The following HTT variants were observed in gnomAD, a reference collection of about 807,000 sequenced individuals.
HTT encodes the protein huntington disease protein.
A neutral mutation model predicts 362.3 loss-of-function variants in HTT; 104 were observed. The observed-to-expected ratio is 0.29, with a 90% CI of 0.24 to 0.34. The LOEUF (loss-of-function observed/expected upper bound fraction) is 0.34. Among genes scored for constraint, HTT ranks in the 10% least tolerant of loss-of-function variants. The pLI is 1.00. For missense variants in HTT, 3,301 were observed against 3,928.6 expected, an observed-to-expected ratio of 0.84 and a Z score of 4.27; for synonymous variants, 1,577 against 1,548.7, an observed-to-expected ratio of 1.02 and a Z score of -0.43.
intron 28 of HTT, among the ~76,000 whole-genome samples, chr4:3,157,733 G>C (rs576245002): frequency 2.3e-4 from 35 of 152,138 alleles, no homozygotes; most frequent in African/African-American, 8.2e-4. Context: ...CAGCCTTTCT[G>C]TCTAGGGATG....
At chr4:3,137,668 C>T (rs1413500199) in intron 21 of HTT, among the ~76,000 whole-genome samples, 5 of 152,214 alleles carry the variant, frequency 3.3e-5, no homozygotes, top group Admixed American at 2.0e-4. Context: ...CACTGCCTTC[C>T]AACCTGGGCA....
chr4:3,142,860 A>G lies in HTT; in HGVS notation c.3040A>G (p.Ile1014Val). 1 of 1,612,822 alleles carries G rather than the reference A, an allele frequency of 6.2e-7. No individual in the cohort carries two copies. Among genetic ancestry groups the G allele is most frequent in the Non-Finnish European group, 8.5e-7 (1 of 1,178,892 alleles). Residue 1014 changes from isoleucine (I) to valine (V), a missense_variant, in exon 23 of 67, where the codon ATC (isoleucine) becomes GTC (valine). Around this residue, in one of 4 missense-constraint regions of HTT, gnomAD observed 2,316 missense variants for 2,658.5 expected, o/e 0.87. Coordinates refer to ENST00000355072, the MANE Select transcript of HTT (RefSeq NM_001388492.1). ...TATTGCAGCAGTTTCTCATGAACTAATCACATCAACCACCAGAGCACTCAC... is the reference window on the plus strand; with the variant it reads ...TATTGCAGCAGTTTCTCATGAACTAGTCACATCAACCACCAGAGCACTCAC... Reference protein sequence around the residue: ...RVIAAVSHELITSTTRALTFG... With the variant: ...RVIAAVSHELVTSTTRALTFG...
At chr4:3,138,389 TC>T (rs1716185496) in intron 21 of HTT, among the ~76,000 whole-genome samples, 1 of 152,080 alleles carries the variant, frequency 6.6e-6, no homozygotes, top group Non-Finnish European at 1.5e-5. Flanking sequence ...TCCCTCACCT[TC>T]CAGCCTTCCG....
intron 6 of HTT, 99 bp downstream of exon 6, chr4:3,107,522 C>A: frequency 8.2e-7 from 1 of 1,215,248 alleles, no homozygotes; most frequent in East Asian, 2.3e-5. Context: ...GGGAGTGCTT[C>A]TTGGGGTATG....
At chr4:3,238,088 C>T (rs912479014) in intron 64 of HTT, among the ~76,000 whole-genome samples, 2 of 151,544 alleles carry the variant, frequency 1.3e-5, no homozygotes, top group Non-Finnish European at 2.9e-5. Context: ...TTTCAAACTC[C>T]TCTTAGGAGT....
chr4:3,234,661 G>A (rs371797296), intron 61 of HTT, among the ~76,000 whole-genome samples: 11 of 152,224 alleles, frequency 7.2e-5, no homozygotes, highest in Middle Eastern at 3.2e-3. Context: ...GAAATGGTGC[G>A]TGGGGCTGAC....
At chr4:3,116,342 G>A (rs1008138461) in intron 8 of HTT, 79 bp downstream of exon 8, 14 of 1,283,932 alleles carry the variant, frequency 1.1e-5, no homozygotes, top group South Asian at 3.9e-5. Context: ...GAAGAGAAGC[G>A]GCAGAACCGA....
rs138372275 is a variant in HTT, at chr4:3,145,086, CA to C, written c.3067-65del. The C allele has an allele frequency of 1.7e-3, 1,977 of 1,131,748 alleles. 16 individuals are homozygous for C. The African/African-American group carries it at 0.023, about 13-fold the overall frequency. 70.1% of individuals were successfully genotyped at this position (1,131,748 alleles called of 1,614,324 possible). On this transcript the variant is annotated intron_variant, in intron 23 of 66. Coordinates refer to ENST00000355072, the MANE Select transcript of HTT (RefSeq NM_001388492.1). Reference sequence around the variant, plus strand: ...TGTTTGTACTTTTTATAAAGGGTAACAGGAGATATAATTCAATAAACCTTTG... The same window carrying C: ...TGTTTGTACTTTTTATAAAGGGTAACGGAGATATAATTCAATAAACCTTTG...
intron 18 of HTT, 94 bp from the exon 19 acceptor site, chr4:3,134,307 T>C (rs1269940132): frequency 5.6e-6 from 6 of 1,070,296 alleles, no homozygotes; most frequent in Non-Finnish European, 8.1e-6. Flanking sequence ...CCCAGAACAT[T>C]GTGTGTTGAA....
In HTT at chr4:3,214,118, A is replaced by G. The variant is rs773344648; in HGVS notation, c.6935A>G (p.His2312Arg). 13 of 1,527,574 alleles carry G rather than the reference A, an allele frequency of 8.5e-6. No individual in the cohort carries two copies. The African/African-American group carries it at 1.4e-4, about 16-fold the overall frequency. The allele number at this position is 1,527,574 out of a possible 1,614,324, so 94.6% of individuals were successfully genotyped here. ...THACSLIYCV[H>R]FILEAVAVQP... ...GCCTGCTCCCTCATCTACTGTGTGC[A>G]CTTCATCCTGGAGGCCGGTGAGTCC... The change falls in exon 50 of 67, where the codon CAC becomes CGC. Residue 2312 changes from histidine to arginine, a missense_variant. Physicochemically the swap from His to Arg is conservative, Grantham distance 29. Transcript: ENST00000355072.
chr4:3,233,060 T>G, intron 60 of HTT, 103 bp from the exon 61 acceptor site: 1 of 938,662 alleles, frequency 1.1e-6, no homozygotes, highest in Non-Finnish European at 1.6e-6. Flanking sequence ...TAGTCTCTTC[T>G]GCACACAAGC....
At chr4:3,174,880 T>C in intron 32 of HTT, 66 bp from the exon 33 acceptor site, 1 of 1,559,844 alleles carries the variant, frequency 6.4e-7, no homozygotes, top group Non-Finnish European at 8.8e-7. Flanking sequence ...TTCCAGGTAT[T>C]TTGCTTGAAG....
chr4:3,101,385 A>G (rs976296110), intron 3 of HTT, among the ~76,000 whole-genome samples: 1 of 152,178 alleles, frequency 6.6e-6, no homozygotes, highest in Non-Finnish European at 1.5e-5. Flanking sequence ...AGTTTGGTGC[A>G]GCAGGGTTTG....
At chr4:3,150,135 T>C (rs1716804887) in intron 26 of HTT, among the ~76,000 whole-genome samples, 1 of 152,152 alleles carries the variant, frequency 6.6e-6, no homozygotes, top group Non-Finnish European at 1.5e-5. Flanking sequence ...CCGTCTTCTC[T>C]CTTTGTAGTC....
intron 29 of HTT, among the ~76,000 whole-genome samples, chr4:3,169,866 G>A (rs1233818152): frequency 2.6e-5 from 4 of 152,228 alleles, no homozygotes; most frequent in Non-Finnish European, 1.5e-5. Context: ...GAGCCACCGT[G>A]TCTGGCCCCT....
intron 51 of HTT, among the ~76,000 whole-genome samples, chr4:3,216,794 G>A (rs1281545000): frequency 2.6e-5 from 4 of 152,108 alleles, no homozygotes; most frequent in Non-Finnish European, 4.4e-5. Context: ...GGGAGGCCGA[G>A]GCGGGCGGAT....
intron 45 of HTT, among the ~76,000 whole-genome samples, chr4:3,208,340 A>T (rs1719970257): frequency 6.6e-6 from 1 of 152,220 alleles, no homozygotes; most frequent in Admixed American, 6.5e-5. Flanking sequence ...AGATGAGGTG[A>T]TTTTATTTTG....
intron 1 of HTT, among the ~76,000 whole-genome samples, chr4:3,078,511 T>C (rs12508079): frequency 0.018 from 2,739 of 152,362 alleles, 91 homozygotes; most frequent in Admixed American, 0.092. Context: ...CCAGAAAGCC[T>C]GCTAGACAAA....
At chr4:3,208,605 A>G (rs1390492195) in intron 45 of HTT, among the ~76,000 whole-genome samples, 168 bp from the exon 46 acceptor site, 1 of 152,184 alleles carries the variant, frequency 6.6e-6, no homozygotes. Flanking sequence ...ATGAGAAGAT[A>G]GCTGTGAAGA....
Sources: allele counts gnomAD v4.1 joint callset (sites outside exome capture counted in the v4.1 genomes callset), GRCh38; gene constraint gnomAD v4.1.1; regional missense constraint gnomAD v4.1.1; transcripts MANE v1.5; gene names NCBI Gene and HGNC (gene_info 2026-07-23, HGNC 2026-07-21).